KCNJ6: variants seen among roughly 807,000 people sequenced by gnomAD.
KCNJ6 encodes the protein G protein-activated inward rectifier potassium channel 2.
In KCNJ6, 9 loss-of-function variants were observed where a neutral mutation model predicts 34.2. The observed-to-expected ratio is 0.26, with a 90% CI of 0.16 to 0.46. KCNJ6 has a LOEUF of 0.46. KCNJ6 is among the 20% of genes least tolerant of loss of function. The pLI is 1.00. For synonymous variants in KCNJ6, 196 were observed against 207.1 expected, an observed-to-expected ratio of 0.95 and a Z score of 0.46; for missense variants, 236 against 531.3, an observed-to-expected ratio of 0.44 and a Z score of 5.46.
At chr21:37,841,780 C>T (rs540990940) in intron 1 of KCNJ6, among the ~76,000 whole-genome samples, 5 of 152,270 alleles carry the variant, frequency 3.3e-5, no homozygotes, top group Admixed American at 2.0e-4. Context: ...TAGTATTCAT[C>T]ATGGATTATA....
chr21:37,853,835 C>CATATATATAT (rs1555850305), intron 1 of KCNJ6, among the ~76,000 whole-genome samples: 1 of 43,238 alleles, frequency 2.3e-5, no homozygotes, highest in African/African-American at 1.8e-4. Flanking sequence ...TTAAGAGATA[C>CATATATATAT]ATATATATAT....
At chr21:37,836,699 T>G (rs746286362) in intron 2 of KCNJ6, among the ~76,000 whole-genome samples, 1 of 151,854 alleles carries the variant, frequency 6.6e-6, no homozygotes, top group East Asian at 1.9e-4. Context: ...TGAGAACACA[T>G]GGGCACAGGG....
At chr21:37,721,906 G>C (rs1601437984) in intron 2 of KCNJ6, among the ~76,000 whole-genome samples, 1 of 152,152 alleles carries the variant, frequency 6.6e-6, no homozygotes, top group Non-Finnish European at 1.5e-5. Context: ...AGACTGGGAT[G>C]GTGGGGCATC....
At chr21:37,893,581 T>C (rs1293525338) in intron 1 of KCNJ6, among the ~76,000 whole-genome samples, 1 of 152,084 alleles carries the variant, frequency 6.6e-6, no homozygotes, top group Non-Finnish European at 1.5e-5. Context: ...GCTCCAGCAC[T>C]GTGTGTATAA....
chr21:37,859,671 T>C (rs1156480234), intron 1 of KCNJ6, among the ~76,000 whole-genome samples: 2 of 151,476 alleles, frequency 1.3e-5, no homozygotes, highest in African/African-American at 2.4e-5. Flanking sequence ...GATTGCTATC[T>C]CTGTTTCATG....
chr21:37,659,193 G>C (rs2054477276), intron 3 of KCNJ6, among the ~76,000 whole-genome samples: 1 of 152,068 alleles, frequency 6.6e-6, no homozygotes, highest in African/African-American at 2.4e-5. Context: ...TTTTTTTCCA[G>C]GAACTCCTGG....
Position 37,675,243 on chromosome 21 carries a change from A to C in KCNJ6, c.946+38968T>G, listed in dbSNP as rs1020891218. Among the ~76,000 whole-genome samples the C allele has an allele frequency of 3.9e-5, 6 of 152,190 alleles. No homozygotes were observed. Among genetic ancestry groups the C allele is most frequent in the African/African-American group, 1.4e-4 (6 of 41,450 alleles). On this transcript the variant is annotated intron_variant, in intron 3 of 3. Transcript: ENST00000609713. This position sits in a 1 kb window ranked among gnomAD's most constrained non-coding sequence, Gnocchi z 4.2. Reference sequence around the variant, plus strand: ...AAAACCAAAAGTCTTTCCTTTAAGGATCTGGAGTTAATATGATGGCTGCGT... The same window carrying C: ...AAAACCAAAAGTCTTTCCTTTAAGGCTCTGGAGTTAATATGATGGCTGCGT...
At chr21:37,809,330 A>G (rs993210094) in intron 2 of KCNJ6, among the ~76,000 whole-genome samples, 2 of 151,620 alleles carry the variant, frequency 1.3e-5, no homozygotes, top group African/African-American at 2.4e-5. Flanking sequence ...AACAATGAGA[A>G]CACATGGACA....
At chr21:37,793,197 C>A (rs1306780463) in intron 2 of KCNJ6, among the ~76,000 whole-genome samples, 45 of 152,190 alleles carry the variant, frequency 3.0e-4, no homozygotes, top group Admixed American at 2.9e-3. Flanking sequence ...AATAACAGCT[C>A]TGTCTTTTTG....
intron 3 of KCNJ6, among the ~76,000 whole-genome samples, chr21:37,685,020 T>G (rs1273281018): frequency 6.6e-6 from 1 of 152,088 alleles, no homozygotes. Context: ...ATGAAAGATA[T>G]CTGCAAAACA....
chr21:37,842,745 T>C (rs142810133), intron 1 of KCNJ6, among the ~76,000 whole-genome samples: 144 of 152,316 alleles, frequency 9.5e-4, no homozygotes, highest in African/African-American at 3.4e-3. Context: ...ACAATGCCGG[T>C]TCATGTGAGT....
chr21:37,645,832 G>C (rs1445755416), intron 3 of KCNJ6, among the ~76,000 whole-genome samples: 1 of 152,042 alleles, frequency 6.6e-6, no homozygotes, highest in Non-Finnish European at 1.5e-5. Flanking sequence ...TTTACTATTA[G>C]AGCTGTCTCA....
intron 3 of KCNJ6, among the ~76,000 whole-genome samples, chr21:37,648,913 C>G (rs903715581): frequency 2.6e-5 from 4 of 151,990 alleles, no homozygotes; most frequent in African/African-American, 9.7e-5. Flanking sequence ...GGGCAGATCA[C>G]CTGAGGTCAG....
chr21:37,851,899 CTT>C (rs60086556), intron 1 of KCNJ6, among the ~76,000 whole-genome samples: 3 of 144,938 alleles, frequency 2.1e-5, no homozygotes, highest in East Asian at 2.0e-4. Context: ...TCTCTGAGTT[CTT>C]TTTTTTTTTT....
At chr21:37,719,889 C>A (rs1351675238) in intron 2 of KCNJ6, among the ~76,000 whole-genome samples, 1 of 152,172 alleles carries the variant, frequency 6.6e-6, no homozygotes, top group Non-Finnish European at 1.5e-5. Context: ...TGGCCCTGGT[C>A]TGTAGTAGAT....
intron 3 of KCNJ6, among the ~76,000 whole-genome samples, chr21:37,665,599 T>C (rs1359072840): frequency 6.6e-6 from 1 of 152,170 alleles, no homozygotes; most frequent in Non-Finnish European, 1.5e-5. Flanking sequence ...GAGCTGGATT[T>C]GGACAGCTCA....
At chr21:37,746,362 C>T (rs2054967727) in intron 2 of KCNJ6, among the ~76,000 whole-genome samples, 1 of 152,128 alleles carries the variant, frequency 6.6e-6, no homozygotes, top group Admixed American at 6.5e-5. Context: ...CATGAGGTTG[C>T]AAGAGAGCCC....
At chr21:37,772,687 T>C (rs1309325806) in intron 2 of KCNJ6, among the ~76,000 whole-genome samples, 2 of 152,232 alleles carry the variant, frequency 1.3e-5, no homozygotes, top group Non-Finnish European at 1.5e-5. Context: ...CTATTTACTC[T>C]CTTTCAACCA....
chr21:37,897,759 G>A (rs993341812), intron 1 of KCNJ6, among the ~76,000 whole-genome samples: 10 of 152,200 alleles, frequency 6.6e-5, no homozygotes, highest in African/African-American at 2.4e-4. Context: ...GTGCAGACTG[G>A]ACAATCGCAT....
Sources: allele counts gnomAD v4.1 joint callset (sites outside exome capture counted in the v4.1 genomes callset), GRCh38; gene constraint gnomAD v4.1.1; non-coding constraint Gnocchi (gnomAD v3.1); transcripts MANE v1.5; gene names NCBI Gene and HGNC (gene_info 2026-07-23, HGNC 2026-07-21).